The following TBC1D9 variants were observed in gnomAD, a reference collection of about 807,000 sequenced individuals.
TBC1D9 encodes TBC1 domain family member 9.
A neutral mutation model predicts 132.0 loss-of-function variants in TBC1D9; 63 were observed. The ratio of observed to expected loss-of-function variants is 0.48; its 90% CI spans 0.39 to 0.59. TBC1D9 has a LOEUF of 0.59. Among genes scored for constraint, TBC1D9 ranks in the 20% least tolerant of loss-of-function variants. The pLI, the probability that TBC1D9 is intolerant of heterozygous loss-of-function variation, is 0.00. For missense variants in TBC1D9, 1,261 were observed against 1,592.7 expected (o/e 0.79, Z 3.54); for synonymous variants, 610 against 609.9 (o/e 1.00, Z 0.00).
chr4:140,707,976 C>CA (rs967139724), intron 1 of TBC1D9, among the ~76,000 whole-genome samples: 42 of 144,830 alleles, frequency 2.9e-4, no homozygotes, highest in East Asian at 1.2e-3. Flanking sequence ...TTTCCTACTT[C>CA]AAAAAAAAAA....
chr4:140,649,659 G>T lies in TBC1D9; in HGVS notation c.2337+7438C>A, dbSNP rs72718373. On this transcript the variant is annotated intron_variant, in intron 13 of 20. Coordinates refer to ENST00000442267, the MANE Select transcript of TBC1D9 (RefSeq NM_015130.3). ...ACACACTCCCCCTTGACTTCTATGG[G>T]GGTGGCGTCTGTCTGCACCTGTGTA... Among the ~76,000 whole-genome samples, 13 of 152,218 alleles carry T rather than the reference G, an allele frequency of 8.5e-5. No homozygotes were observed. The South Asian group carries it at 2.3e-3, about 27-fold the overall frequency.
chr4:140,643,951 C>T, intron 13 of TBC1D9: 1 of 623,806 alleles, frequency 1.6e-6, no homozygotes, highest in Non-Finnish European at 3.0e-6. Flanking sequence ...TCCACCTCCA[C>T]CTTCGCCTCC....
chr4:140,624,963 A>C (rs866647341), intron 18 of TBC1D9, among the ~76,000 whole-genome samples: 1 of 152,136 alleles, frequency 6.6e-6, no homozygotes, highest in Non-Finnish European at 1.5e-5. Flanking sequence ...GAGGCAGGAG[A>C]ATTGCTTAAA....
intron 16 of TBC1D9, among the ~76,000 whole-genome samples, chr4:140,633,525 T>TA (rs1736830269): frequency 6.6e-6 from 1 of 152,166 alleles, no homozygotes; most frequent in Non-Finnish European, 1.5e-5. Context: ...GCTCCTTTAT[T>TA]AAAAACATTT....
At chr4:140,705,929 CAG>C (rs765605429) in intron 1 of TBC1D9, among the ~76,000 whole-genome samples, 7 of 152,170 alleles carry the variant, frequency 4.6e-5, no homozygotes, top group Non-Finnish European at 1.0e-4. Context: ...TACATTAGTA[CAG>C]TGGCATCTTA....
chr4:140,635,471 G>A (rs1489880683), intron 15 of TBC1D9, among the ~76,000 whole-genome samples: 1 of 152,128 alleles, frequency 6.6e-6, no homozygotes, highest in Admixed American at 6.5e-5. Context: ...GACAGAGTGA[G>A]ACCCTGTCTT....
intron 13 of TBC1D9, among the ~76,000 whole-genome samples, chr4:140,650,647 C>T (rs1385983296): frequency 1.3e-5 from 2 of 152,194 alleles, no homozygotes; most frequent in East Asian, 1.9e-4. Flanking sequence ...ATTCTCTTGC[C>T]TCAGCCTCCC....
chr4:140,622,579 C>T lies in TBC1D9; in HGVS notation c.3417G>A (p.Ser1139=), dbSNP rs753629242. Residue 1139 remains serine (S), a synonymous_variant, in exon 21 of 21, where the codon TCG becomes TCA. Coordinates refer to ENST00000442267, the MANE Select transcript of TBC1D9 (RefSeq NM_015130.3). ...AGGAGCAGGCCCCGTTGTCCCGGGG[C>T]GAGGAGTCCTCCAGCTTGATGTCCT... ...QMEDIKLEDS[S]PRDNGACSSM... The T allele has an allele frequency of 3.1e-6, 5 of 1,613,870 alleles. No individual in the cohort carries two copies. The South Asian group carries it at 4.4e-5, about 14-fold the overall frequency.
intron 15 of TBC1D9, among the ~76,000 whole-genome samples, chr4:140,638,596 G>A (rs1239506622): frequency 1.3e-5 from 2 of 151,752 alleles, no homozygotes; most frequent in Non-Finnish European, 2.9e-5. Flanking sequence ...GGGCAACAGA[G>A]TGAGAGCAAG....
Position 140,661,999 on chromosome 4 carries a change from C to A in TBC1D9, c.1697G>T (p.Arg566Leu). The A allele has an allele frequency of 6.2e-7, 1 of 1,613,820 alleles. No individual in the cohort carries two copies. The highest frequency in any genetic ancestry group is 8.5e-7 in the Non-Finnish European group (1 of 1,179,748). The part of the protein sequence containing the change: ...ATEEIERDLH[R>L]SLPEHPAFQN... ...AAAAGCTGGGTGTTCTGGAAGGGAG[C>A]GGTGTAAATCCCTCTCAATCTCCTC... The change falls in exon 10 of 21, where the codon CGC (arginine) becomes CTC (leucine). Residue 566 changes from arginine to leucine, a missense_variant. Arg to Leu is a moderately radical substitution (Grantham distance 102, BLOSUM62 -2). This residue lies in a region of TBC1D9 where 93 missense variants were observed against 169.2 expected (regional missense o/e 0.55). Coordinates refer to ENST00000442267, the MANE Select transcript of TBC1D9 (RefSeq NM_015130.3).
chr4:140,630,143 T>C (rs1274605585), intron 16 of TBC1D9, among the ~76,000 whole-genome samples: 1 of 152,218 alleles, frequency 6.6e-6, no homozygotes, highest in Non-Finnish European at 1.5e-5. Flanking sequence ...TCTTTAAAAG[T>C]AGAACTTATA....
intron 1 of TBC1D9, among the ~76,000 whole-genome samples, chr4:140,732,277 A>G (rs1179672865): frequency 6.6e-6 from 1 of 152,176 alleles, no homozygotes; most frequent in Non-Finnish European, 1.5e-5. Flanking sequence ...TCTCCAGTTG[A>G]CCTCCAAGAC....
At chr4:140,748,437 G>C (rs977354846) in intron 1 of TBC1D9, among the ~76,000 whole-genome samples, 5 of 152,050 alleles carry the variant, frequency 3.3e-5, no homozygotes, top group African/African-American at 1.2e-4. Flanking sequence ...GCCATATTTG[G>C]AGACAGTGGA....
intron 9 of TBC1D9, among the ~76,000 whole-genome samples, chr4:140,667,155 T>C (rs1245019620): frequency 6.6e-6 from 1 of 152,088 alleles, no homozygotes; most frequent in Admixed American, 6.5e-5. Context: ...GCTCTCTTCA[T>C]GATAGGCTGG....
chr4:140,660,919 T>C (rs1737347769), intron 10 of TBC1D9, among the ~76,000 whole-genome samples: 1 of 150,592 alleles, frequency 6.6e-6, no homozygotes, highest in Non-Finnish European at 1.5e-5. Flanking sequence ...GATTCTTTCT[T>C]TTTTTTTTAA....
At chr4:140,689,002 A>G (rs928518929) in intron 2 of TBC1D9, among the ~76,000 whole-genome samples, 2 of 152,060 alleles carry the variant, frequency 1.3e-5, no homozygotes, top group Non-Finnish European at 2.9e-5. Flanking sequence ...AATGCCAGCC[A>G]TGAATCCTCC....
chr4:140,681,501 A>T (rs1445655727), intron 3 of TBC1D9, among the ~76,000 whole-genome samples: 6 of 152,200 alleles, frequency 3.9e-5, no homozygotes, highest in African/African-American at 1.4e-4. Context: ...AGTTAAAAGT[A>T]AGCATGTAGA....
chr4:140,628,277 A>G, intron 17 of TBC1D9, 23 bp downstream of exon 17: 1 of 1,612,676 alleles, frequency 6.2e-7, no homozygotes, highest in South Asian at 1.1e-5. Context: ...AGACACAAGT[A>G]CTGCTCCATG....
intron 1 of TBC1D9, among the ~76,000 whole-genome samples, chr4:140,747,199 A>C (rs1221297304): frequency 2.6e-5 from 4 of 152,040 alleles, no homozygotes; most frequent in Admixed American, 6.6e-5. Flanking sequence ...AAAATACAAA[A>C]AAATTAGCCA....
Sources: gnomAD v4.1 joint callset for allele counts (sites outside exome capture counted in the v4.1 genomes callset) on GRCh38, gnomAD v4.1.1 for gene constraint, gnomAD v4.1.1 regional missense constraint, MANE v1.5 for transcripts, NCBI Gene and HGNC (gene_info 2026-07-23, HGNC 2026-07-21) for gene names.